NUBPL: variants seen among roughly 807,000 people sequenced by gnomAD.
NUBPL encodes the protein iron-sulfur cluster transfer protein NUBPL.
A neutral mutation model predicts 45.7 loss-of-function variants in NUBPL; 31 were observed. The observed-to-expected ratio is 0.68, with a 90% CI of 0.51 to 0.92. NUBPL has a LOEUF of 0.92. NUBPL is among the 40% of genes least tolerant of loss of function. The probability of loss-of-function intolerance (pLI) is 0.00; values close to 1 mark genes in which losing one functional copy is unlikely to be tolerated. For missense variants in NUBPL, 401 were observed against 398.7 expected (o/e 1.01, Z -0.05); for synonymous variants, 144 against 140.9 (o/e 1.02, Z -0.15).
In NUBPL at chr14:31,604,199, C is replaced by G. The variant is rs10467752; in HGVS notation, c.382+4820C>G. 2.1e-5 allele frequency among the ~76,000 whole-genome samples: 3 copies of G among 139,954 alleles called. No individual in the cohort carries two copies. The Admixed American group carries it at 2.2e-4, about 10-fold the overall frequency. 91.8% of individuals were successfully genotyped at this position (139,954 alleles called of 152,430 possible). On this transcript the variant is annotated intron_variant, in intron 4 of 10. Transcript: ENST00000281081. ...AGGCTGAAAAAAAAAAAAAAAAACA[C>G]TTTCTCTGTTGACAGGCTGATCTTA...
intron 6 of NUBPL, among the ~76,000 whole-genome samples, chr14:31,783,628 A>G (rs1448399733): frequency 6.7e-6 from 1 of 148,716 alleles, no homozygotes; most frequent in African/African-American, 2.5e-5. Context: ...AGAGATTCTC[A>G]TGCCTCAGCT....
chr14:31,649,507 G>A (rs1954441), intron 4 of NUBPL, among the ~76,000 whole-genome samples: 83,321 of 151,984 alleles, frequency 0.55, 24,967 homozygotes, highest in African/African-American at 0.81. Flanking sequence ...AATGATATAC[G>A]CAACAAGATT....
chr14:31,563,049 A>T (rs1165162769), intron 2 of NUBPL, among the ~76,000 whole-genome samples: 2 of 152,014 alleles, frequency 1.3e-5, no homozygotes, highest in African/African-American at 4.8e-5. Flanking sequence ...CCATATTGTT[A>T]AAAAAAATTA....
chr14:31,824,760 A>G (rs572334425), intron 7 of NUBPL, among the ~76,000 whole-genome samples: 4 of 152,078 alleles, frequency 2.6e-5, no homozygotes, highest in African/African-American at 9.7e-5. Flanking sequence ...TCAGTTATTT[A>G]TTGTTAATCT....
intron 6 of NUBPL, among the ~76,000 whole-genome samples, chr14:31,694,298 A>C (rs1296422524): frequency 3.9e-5 from 6 of 152,236 alleles, no homozygotes; most frequent in Non-Finnish European, 8.8e-5. Context: ...ATTAGTGAAC[A>C]AGGAAATAGA....
intron 8 of NUBPL, chr14:31,843,930 C>A (rs146927785): frequency 6.6e-6 from 1 of 152,172 alleles, no homozygotes; most frequent in Non-Finnish European, 1.5e-5. Context: ...AGTACAAGCT[C>A]CAAAGGGTAA....
rs10643173 is a variant in NUBPL, at chr14:31,732,193, C to CA, written c.514-55577dup. Among the ~76,000 whole-genome samples, 14 of 79,772 alleles carry CA rather than the reference C, an allele frequency of 1.8e-4. No homozygotes were observed. In the East Asian group the frequency reaches 3.2e-3, roughly 18 times the overall value. 52.3% of individuals were successfully genotyped at this position (79,772 alleles called of 152,430 possible). A position where few individuals can be genotyped will look rare whatever the true frequency, so the allele number is the denominator to read the frequency against. On this transcript the variant is annotated intron_variant, in intron 6 of 10. Transcript: ENST00000281081. ...TGGGTGACAGAGCAAGACTCTGTCT[C>CA]AAAAAAAAAATGAAAGAAAGAAAAG...
chr14:31,656,917 A>G lies in NUBPL; in HGVS notation c.383-16438A>G, dbSNP rs1262707497. ...CAATAAGGCAAAGCAAAATAAAACAAAAGTATGCCTGTAGAAGGCACTCAA... is the reference window on the plus strand; with the variant it reads ...CAATAAGGCAAAGCAAAATAAAACAGAAGTATGCCTGTAGAAGGCACTCAA... On this transcript the variant is annotated intron_variant, in intron 4 of 10. Coordinates refer to ENST00000281081, the MANE Select transcript of NUBPL (RefSeq NM_025152.3). 2.0e-5 allele frequency among the ~76,000 whole-genome samples: 3 copies of G among 152,240 alleles called. No homozygotes were observed. In the East Asian group the frequency reaches 5.8e-4, roughly 29 times the overall value.
intron 6 of NUBPL, among the ~76,000 whole-genome samples, chr14:31,762,854 A>T (rs938988307): frequency 6.6e-6 from 1 of 152,056 alleles, no homozygotes; most frequent in African/African-American, 2.4e-5. Context: ...TTTCAGATTC[A>T]TAGATAATTG....
chr14:31,613,499 T>G (rs1296625716), intron 4 of NUBPL, among the ~76,000 whole-genome samples: 8 of 152,056 alleles, frequency 5.3e-5, no homozygotes, highest in Non-Finnish European at 1.2e-4. Flanking sequence ...TAGCCCAGGC[T>G]GGAGTGCAGT....
In NUBPL at chr14:31,592,925, C is replaced by T. The variant is rs571356758; in HGVS notation, c.292-6364C>T. ...CAAAGCATGCAAAAATCCTTACCCT[C>T]ATGGGATTTACATTCTAGTAGAGGA... On this transcript the variant is annotated intron_variant, in intron 3 of 10. Coordinates refer to ENST00000281081, the MANE Select transcript of NUBPL (RefSeq NM_025152.3). 1.3e-4 allele frequency among the ~76,000 whole-genome samples: 20 copies of T among 152,280 alleles called. No homozygotes were observed. The South Asian group carries it at 3.5e-3, about 27-fold the overall frequency.
chr14:31,623,574 C>T (rs11628819), intron 4 of NUBPL, among the ~76,000 whole-genome samples: 46,011 of 151,976 alleles, frequency 0.3, 7,687 homozygotes, highest in South Asian at 0.41. Context: ...TGAGTGAGCC[C>T]CTGTCTCTTT....
rs140949677 is a variant in NUBPL at position 31,651,228 on chromosome 14, G to A, written c.383-22127G>A. 5.8e-3 allele frequency among the ~76,000 whole-genome samples: 882 copies of A among 152,220 alleles called. 9 individuals are homozygous for A. Among genetic ancestry groups the A allele is most frequent in the African/African-American group, 0.02 (825 of 41,548 alleles). On this transcript the variant is annotated intron_variant, in intron 4 of 10. Coordinates refer to ENST00000281081, the MANE Select transcript of NUBPL (RefSeq NM_025152.3). ...GCTCACTGCAACCTCTGCCGCCTGGGTTCAAGCAATTCTTGTGCCTCAGCC... is the reference window on the plus strand; with the variant it reads ...GCTCACTGCAACCTCTGCCGCCTGGATTCAAGCAATTCTTGTGCCTCAGCC...
intron 7 of NUBPL, among the ~76,000 whole-genome samples, chr14:31,815,512 T>A (rs946443976): frequency 6.6e-6 from 1 of 152,212 alleles, no homozygotes. Flanking sequence ...GTCTTCCTAT[T>A]TGAATACCCT....
intron 8 of NUBPL, chr14:31,844,410 A>G (rs2040421578): frequency 1.3e-5 from 2 of 152,348 alleles, no homozygotes; most frequent in South Asian, 4.1e-4. Flanking sequence ...GGCATAGTTA[A>G]TAAACAAGCT....
intron 4 of NUBPL, among the ~76,000 whole-genome samples, chr14:31,605,169 C>A (rs964240685): frequency 3.3e-5 from 5 of 152,182 alleles, no homozygotes; most frequent in African/African-American, 4.8e-5. Context: ...TATAGTATAG[C>A]CAAATTATAG....
chr14:31,739,248 A>ATAT (rs1348284528), intron 6 of NUBPL, among the ~76,000 whole-genome samples: 1,505 of 100,076 alleles, frequency 0.015, 27 homozygotes, highest in African/African-American at 0.08. Context: ...TTCTATATAT[A>ATAT]TATATTTTTT....
chr14:31,715,752 T>A (rs1566519551), intron 6 of NUBPL, among the ~76,000 whole-genome samples: 1 of 152,194 alleles, frequency 6.6e-6, no homozygotes, highest in Non-Finnish European at 1.5e-5. Context: ...AACATTGCTG[T>A]ACACTACTGT....
chr14:31,615,941 C>T (rs1003206680), intron 4 of NUBPL, among the ~76,000 whole-genome samples: 3 of 152,216 alleles, frequency 2.0e-5, no homozygotes, highest in African/African-American at 2.4e-5. Context: ...TATTTCTCCA[C>T]ATCCTCTCCA....
Sources: allele counts gnomAD v4.1 joint callset (sites outside exome capture counted in the v4.1 genomes callset), GRCh38; gene constraint gnomAD v4.1.1; transcripts MANE v1.5; gene names NCBI Gene and HGNC (gene_info 2026-07-23, HGNC 2026-07-21).